Variants in UBA3 observed in about 807,000 individuals in gnomAD.
UBA3 encodes NEDD8-activating enzyme E1 catalytic subunit.
A neutral mutation model predicts 73.5 loss-of-function variants in UBA3; 26 were observed. The observed-to-expected ratio is 0.35, with a 90% CI of 0.26 to 0.49. The LOEUF is 0.49. Ranked by LOEUF, UBA3 falls within the 20% of genes least tolerant of loss-of-function variation. The pLI is 0.98. For missense variants in UBA3, 495 were observed against 555.6 expected (o/e 0.89, Z 1.10); for synonymous variants, 217 against 191.2 (o/e 1.13, Z -1.11).
At chr3:69,064,275 T>C (rs1351108346) in intron 6 of UBA3, among the ~76,000 whole-genome samples, 164 bp from the exon 7 acceptor site, 2 of 152,216 alleles carry the variant, frequency 1.3e-5, no homozygotes, top group Non-Finnish European at 2.9e-5. Flanking sequence ...ACAACTCTCC[T>C]TTCTGACAAA....
At chr3:69,057,749 T>C (rs1430454716) in intron 11 of UBA3, among the ~76,000 whole-genome samples, 2 of 152,110 alleles carry the variant, frequency 1.3e-5, no homozygotes, top group Non-Finnish European at 2.9e-5. Flanking sequence ...TGAACACAGA[T>C]ATTAACTGAT....
At chr3:69,067,590 CAA>C (rs1222328042) in intron 6 of UBA3, among the ~76,000 whole-genome samples, 2 of 152,036 alleles carry the variant, frequency 1.3e-5, no homozygotes, top group Non-Finnish European at 2.9e-5. Flanking sequence ...TATAAAGAAA[CAA>C]AGATTAATTG....
Position 69,077,781 on chromosome 3 carries a change from A to C in UBA3, c.183+17T>G. The C allele has an allele frequency of 6.2e-7, 1 of 1,605,518 alleles. No individual in the cohort carries two copies. The highest frequency in any genetic ancestry group is 8.5e-7 in the Non-Finnish European group (1 of 1,176,038). On this transcript the variant is annotated intron_variant, in intron 3 of 17. Transcript: ENST00000361055. The stretch of plus-strand genomic sequence containing the variant: ...TAAAACTATTAGAGCAGTTATTTAA[A>C]AATAAACGTTTCTCACTTCAGTGCT...
rs770783430 is a variant in UBA3 at position 69,075,492 on chromosome 3, C to G, written c.202G>C (p.Asp68His). 1 of 1,558,322 alleles carries G rather than the reference C, an allele frequency of 6.4e-7. No homozygotes were observed. Among genetic ancestry groups the G allele is most frequent in the Non-Finnish European group, 8.7e-7 (1 of 1,155,998 alleles). ...CCAATGACTAGAACTTTACATGTAT[C>G]TAACAAGAACTGGAGAGACTGTAAA... ...PSTESLQFLL[D>H]TCKVLVIGAG... The change falls in exon 4 of 18, where the codon GAT becomes CAT. Residue 68 changes from aspartate to histidine, a missense_variant. Asp to His is a moderately conservative substitution (Grantham distance 81). Coordinates refer to ENST00000361055, the MANE Select transcript of UBA3 (RefSeq NM_003968.4).
Position 69,071,616 on chromosome 3 carries a change from G to T in UBA3, c.266C>A (p.Ala89Asp). The T allele has an allele frequency of 6.5e-7, 1 of 1,534,020 alleles. No homozygotes were observed. The highest frequency in any genetic ancestry group is 8.7e-7 in the Non-Finnish European group (1 of 1,149,610). Residue 89 changes from alanine to aspartate, a missense_variant and splice_region_variant, in exon 5 of 18, where the codon GCC becomes GAC. Physicochemically the swap from Ala to Asp is moderately radical, Grantham distance 126 (BLOSUM62 -2). Coordinates refer to ENST00000361055, the MANE Select transcript of UBA3 (RefSeq NM_003968.4). ...ATGAATCTGTCTAAAACCAGACAAG[G>T]CCTGTGGGAATAAAAACAATCCAAT... is the stretch of plus-strand genomic sequence containing the variant. ...GLGCELLKNL[A>D]LSGFRQIHVI...
intron 5 of UBA3, among the ~76,000 whole-genome samples, chr3:69,068,853 G>A (rs138618523): frequency 3.4e-3 from 519 of 152,330 alleles, no homozygotes; most frequent in African/African-American, 0.012. Flanking sequence ...TTACAGGCAT[G>A]AGCCACCATG....
chr3:69,078,530 G>C (rs1559648922), intron 2 of UBA3, among the ~76,000 whole-genome samples: 1 of 152,120 alleles, frequency 6.6e-6, no homozygotes. Context: ...CTGGAGTGCA[G>C]TGGTGTGACT....
chr3:69,066,635 T>C (rs2092074284), intron 6 of UBA3, among the ~76,000 whole-genome samples: 1 of 152,122 alleles, frequency 6.6e-6, no homozygotes, highest in South Asian at 2.1e-4. Context: ...TTTCACCATG[T>C]TGGCCAGGCT....
intron 3 of UBA3, among the ~76,000 whole-genome samples, chr3:69,075,920 A>T (rs1364184905): frequency 2.6e-5 from 4 of 151,932 alleles, no homozygotes; most frequent in African/African-American, 9.7e-5. Context: ...TAGTAGATAC[A>T]GGGTTTCACC....
intron 11 of UBA3, among the ~76,000 whole-genome samples, chr3:69,058,595 C>A (rs1192952937): frequency 6.6e-6 from 1 of 152,206 alleles, no homozygotes; most frequent in African/African-American, 2.4e-5. Context: ...AAGCTCTCCA[C>A]TGAACCACAT....
At chr3:69,059,056 G>T (rs897039451) in intron 11 of UBA3, among the ~76,000 whole-genome samples, 3 of 152,180 alleles carry the variant, frequency 2.0e-5, no homozygotes, top group African/African-American at 7.2e-5. Flanking sequence ...CACTGTTCTA[G>T]GTGTTGTGCA....
At chr3:69,066,730 C>A (rs1344137855) in intron 6 of UBA3, among the ~76,000 whole-genome samples, 1 of 152,160 alleles carries the variant, frequency 6.6e-6, no homozygotes, top group Admixed American at 6.5e-5. Flanking sequence ...CCACGCCTGG[C>A]TCATTTTATA....
chr3:69,055,848 T>C lies in UBA3; in HGVS notation c.1303+3A>G. ...GATTAGTAAATACCCTTATGTAAAA[T>C]ACCTTTCAATGTTTTGGAGAGATTT... On this transcript the variant is annotated splice_donor_region_variant and intron_variant, in intron 17 of 17. Transcript: ENST00000361055. The C allele has an allele frequency of 6.2e-7, 1 of 1,610,086 alleles. No individual in the cohort carries two copies. Among genetic ancestry groups the C allele is most frequent in the Non-Finnish European group, 8.5e-7 (1 of 1,178,424 alleles).
chr3:69,055,626 T>C (rs965794992), intron 17 of UBA3, 101 bp from the exon 18 acceptor site: 1 of 970,980 alleles, frequency 1.0e-6, no homozygotes, highest in Admixed American at 2.9e-5. Flanking sequence ...TAGAAAAACA[T>C]CAAAATCCAA....
chr3:69,063,781 C>T (rs1354743084), intron 7 of UBA3, among the ~76,000 whole-genome samples: 1 of 151,864 alleles, frequency 6.6e-6, no homozygotes, highest in Non-Finnish European at 1.5e-5. Flanking sequence ...TTCTAAGAAA[C>T]CAACAAAAAA....
chr3:69,063,929 G>T, intron 7 of UBA3, 139 bp downstream of exon 7: 1 of 726,642 alleles, frequency 1.4e-6, no homozygotes, highest in Non-Finnish European at 2.3e-6. Context: ...CAGTCTATCA[G>T]CAACATTACT....
intron 8 of UBA3, 61 bp from the exon 9 acceptor site, chr3:69,063,198 AT>A (rs1182818661): frequency 6.3e-7 from 1 of 1,594,294 alleles, no homozygotes; most frequent in African/African-American, 1.3e-5. Context: ...AAGAAGAAGT[AT>A]GCTTTCAAGT....
At chr3:69,057,145 T>C in intron 12 of UBA3, 111 bp downstream of exon 12, 1 of 1,145,586 alleles carries the variant, frequency 8.7e-7, no homozygotes, top group Non-Finnish European at 1.3e-6. Context: ...GACAGCTTAG[T>C]TACACAACCC....
At chr3:69,075,625 A>T in intron 3 of UBA3, 115 bp from the exon 4 acceptor site, 1 of 419,814 alleles carries the variant, frequency 2.4e-6, no homozygotes, top group Non-Finnish European at 4.2e-6. Flanking sequence ...CCACTAGGAT[A>T]AAGAGGAGAC....
Sources: allele counts gnomAD v4.1 joint callset (sites outside exome capture counted in the v4.1 genomes callset), GRCh38; gene constraint gnomAD v4.1.1; transcripts MANE v1.5; gene names NCBI Gene and HGNC (gene_info 2026-07-23, HGNC 2026-07-21).